Variants in GRM5 observed in about 807,000 individuals in gnomAD.
The protein encoded by GRM5 is metabotropic glutamate receptor 5.
In GRM5, 19 loss-of-function variants were observed where a neutral mutation model predicts 83.1. The ratio of observed to expected loss-of-function variants is 0.23; its 90% CI spans 0.16 to 0.34. The LOEUF is 0.34. GRM5 is among the 10% of genes least tolerant of loss of function. The pLI is 1.00. For missense variants in GRM5, 1,160 were observed against 1,588.3 expected (o/e 0.73, Z 4.58); for synonymous variants, 675 against 633.6 (o/e 1.07, Z -0.98).
chr11:88,974,469 A>G (rs550814551), intron 2 of GRM5, among the ~76,000 whole-genome samples: 8 of 152,266 alleles, frequency 5.3e-5, no homozygotes, highest in African/African-American at 1.9e-4. Context: ...TATATGTTCA[A>G]TAAATGCTTA....
intron 2 of GRM5, among the ~76,000 whole-genome samples, chr11:88,872,955 T>G (rs1590928941): frequency 6.7e-6 from 1 of 150,146 alleles, no homozygotes. Context: ...AACTATATGC[T>G]CATACAAGAA....
rs183735266 is a variant in GRM5, at chr11:88,617,160, G to A, written c.1148-12196C>T. Among the ~76,000 whole-genome samples, 17 of 152,260 alleles carry A rather than the reference G, an allele frequency of 1.1e-4. 3 individuals carry two copies. The highest frequency in any genetic ancestry group is 1.0e-3 in the Admixed American group (16 of 15,290). ...GCAATGCCAATTTACAGCAGGATCT[G>A]TTAGGTGGGCCAGACAACCCCATTA... On this transcript the variant is annotated intron_variant, in intron 4 of 9. Transcript: ENST00000305447.
At chr11:88,753,495 A>G (rs1256192605) in intron 3 of GRM5, among the ~76,000 whole-genome samples, 1 of 151,998 alleles carries the variant, frequency 6.6e-6, no homozygotes, top group East Asian at 1.9e-4. Flanking sequence ...TAGTTCAACC[A>G]TTGTGGAAGA....
chr11:88,785,217 A>T (rs759104452), intron 3 of GRM5, among the ~76,000 whole-genome samples: 35 of 152,204 alleles, frequency 2.3e-4, no homozygotes, highest in Non-Finnish European at 3.5e-4. Flanking sequence ...TTAAAATTGC[A>T]GTTAAGTTCC....
chr11:88,732,633 G>T (rs1056769962), intron 3 of GRM5, among the ~76,000 whole-genome samples: 4 of 152,044 alleles, frequency 2.6e-5, no homozygotes, highest in Non-Finnish European at 4.4e-5. Context: ...TTTTCCTGCT[G>T]TTCAGAGAAT....
chr11:89,034,002 GTTTAT>G (rs1941324677), intron 2 of GRM5, among the ~76,000 whole-genome samples: 1 of 150,624 alleles, frequency 6.6e-6, no homozygotes, highest in African/African-American at 2.4e-5. Flanking sequence ...TATAAAAAGT[GTTTAT>G]TTAAGTCTTT....
intron 2 of GRM5, among the ~76,000 whole-genome samples, chr11:88,962,474 C>T (rs1172582617): frequency 6.6e-6 from 1 of 152,034 alleles, no homozygotes; most frequent in East Asian, 1.9e-4. Context: ...CCATTTATTC[C>T]CTAACATATC....
intron 2 of GRM5, among the ~76,000 whole-genome samples, chr11:89,005,643 T>C (rs1256556548): frequency 6.6e-6 from 1 of 152,216 alleles, no homozygotes; most frequent in East Asian, 1.9e-4. Flanking sequence ...TCTGCGAGTA[T>C]TAAATATGGC....
intron 3 of GRM5, among the ~76,000 whole-genome samples, chr11:88,673,883 C>A: frequency 1.8e-5 from 1 of 54,648 alleles, no homozygotes; most frequent in Non-Finnish European, 3.5e-5. Flanking sequence ...GGGGATGTGA[C>A]ACTATTTTGA....
At chr11:89,049,543 T>G (rs947063144) in intron 1 of GRM5, among the ~76,000 whole-genome samples, 10 of 152,194 alleles carry the variant, frequency 6.6e-5, no homozygotes, top group Non-Finnish European at 2.9e-5. Context: ...GTTTCAAAGG[T>G]CATCAAATCT....
At chr11:89,056,495 T>C (rs1489032816) in intron 1 of GRM5, among the ~76,000 whole-genome samples, 1 of 152,174 alleles carries the variant, frequency 6.6e-6, no homozygotes, top group African/African-American at 2.4e-5. Context: ...TTTTTCATTC[T>C]TGATCTCACA....
At chr11:89,044,132 G>A (rs960902001) in intron 2 of GRM5, among the ~76,000 whole-genome samples, 26 of 152,054 alleles carry the variant, frequency 1.7e-4, no homozygotes, top group African/African-American at 6.3e-4. Flanking sequence ...AAGTACTAAG[G>A]CAAAGGACCC....
At chr11:88,771,305 T>C (rs920219426) in intron 3 of GRM5, among the ~76,000 whole-genome samples, 1 of 152,060 alleles carries the variant, frequency 6.6e-6, no homozygotes, top group African/African-American at 2.4e-5. Context: ...ATAGGCCATA[T>C]GCAAGCTGAG....
intron 2 of GRM5, 43 bp from the exon 3 acceptor site, chr11:88,850,198 G>T: frequency 1.2e-6 from 1 of 853,216 alleles, no homozygotes; most frequent in Non-Finnish European, 2.0e-6. Context: ...TGAAATGAGA[G>T]TGTTGCATTA....
intron 3 of GRM5, among the ~76,000 whole-genome samples, chr11:88,750,557 T>A (rs1412925758): frequency 1.3e-5 from 2 of 152,088 alleles, no homozygotes; most frequent in Non-Finnish European, 2.9e-5. Flanking sequence ...ATATGCAGGA[T>A]CTAAACTTAG....
intron 2 of GRM5, among the ~76,000 whole-genome samples, chr11:88,964,261 C>A (rs971437735): frequency 6.6e-6 from 1 of 151,974 alleles, no homozygotes; most frequent in Non-Finnish European, 1.5e-5. Context: ...TAGCAAAAAT[C>A]GAATTAAGGA....
At chr11:88,858,526 C>T (rs1944509596) in intron 2 of GRM5, among the ~76,000 whole-genome samples, 1 of 151,626 alleles carries the variant, frequency 6.6e-6, no homozygotes, top group Non-Finnish European at 1.5e-5. Context: ...TACATGTTGA[C>T]CAAATAAATT....
chr11:88,795,638 A>G (rs1202664350), intron 3 of GRM5, among the ~76,000 whole-genome samples: 1 of 152,168 alleles, frequency 6.6e-6, no homozygotes, highest in Non-Finnish European at 1.5e-5. Flanking sequence ...TATCATGACA[A>G]CCCTATCAAT....
At chr11:88,774,265 G>A (rs2135453502) in intron 3 of GRM5, among the ~76,000 whole-genome samples, 1 of 152,218 alleles carries the variant, frequency 6.6e-6, no homozygotes, top group African/African-American at 2.4e-5. Flanking sequence ...TCTTCATGGT[G>A]TAGGGGAATG....
Sources: allele counts gnomAD v4.1 joint callset (sites outside exome capture counted in the v4.1 genomes callset), GRCh38; gene constraint gnomAD v4.1.1; transcripts MANE v1.5; gene names NCBI Gene and HGNC (gene_info 2026-07-23, HGNC 2026-07-21).